Variants in MBOAT2 observed in about 807,000 individuals in gnomAD.
MBOAT2 encodes membrane-bound glycerophospholipid O-acyltransferase 2.
Under a neutral mutation model 63.4 loss-of-function variants are expected in MBOAT2, and 28 were observed. The observed-to-expected ratio is 0.44, with a 90% CI of 0.33 to 0.61. The LOEUF is 0.61. MBOAT2 is among the 20% of genes least tolerant of loss of function. MBOAT2 has a pLI of 0.03. For synonymous variants in MBOAT2, 211 were observed against 215.6 expected, an observed-to-expected ratio of 0.98 and a Z score of 0.19; for missense variants, 470 against 605.8, an observed-to-expected ratio of 0.78 and a Z score of 2.35.
intron 1 of MBOAT2, among the ~76,000 whole-genome samples, chr2:8,963,645 A>C (rs1669784617): frequency 6.6e-6 from 1 of 152,214 alleles, no homozygotes; most frequent in Non-Finnish European, 1.5e-5. Context: ...ATGTGGTGAA[A>C]ATAATTATAT....
chr2:8,868,770 G>A (rs1057125101), intron 8 of MBOAT2, among the ~76,000 whole-genome samples: 8 of 152,082 alleles, frequency 5.3e-5, no homozygotes, highest in African/African-American at 1.2e-4. Context: ...AGTTGGGGGC[G>A]GGTAGAGTTT....
At chr2:8,908,523 G>A in intron 4 of MBOAT2, 98 bp downstream of exon 4, 1 of 641,112 alleles carries the variant, frequency 1.6e-6, no homozygotes, top group Non-Finnish European at 2.7e-6. Context: ...TTTAATAATA[G>A]CTTTTCACTT....
At chr2:8,950,433 T>C (rs1345672691) in intron 2 of MBOAT2, among the ~76,000 whole-genome samples, 1 of 152,130 alleles carries the variant, frequency 6.6e-6, no homozygotes, top group Non-Finnish European at 1.5e-5. Context: ...GTTTTTTGTT[T>C]GTTTGTTTGT....
intron 2 of MBOAT2, among the ~76,000 whole-genome samples, chr2:8,949,184 T>C (rs1441689818): frequency 6.6e-6 from 1 of 152,238 alleles, no homozygotes; most frequent in Non-Finnish European, 1.5e-5. Flanking sequence ...TGGGATTATT[T>C]GCTTTTTGCC....
At chr2:8,894,669 T>C (rs1213203140) in intron 4 of MBOAT2, among the ~76,000 whole-genome samples, 2 of 152,234 alleles carry the variant, frequency 1.3e-5, no homozygotes, top group Non-Finnish European at 2.9e-5. Flanking sequence ...TGGTGGGTTC[T>C]TGGTCTCGCT....
chr2:8,910,816 G>A (rs1469554745), intron 3 of MBOAT2, among the ~76,000 whole-genome samples: 1 of 152,186 alleles, frequency 6.6e-6, no homozygotes, highest in Non-Finnish European at 1.5e-5. Context: ...AGACTGAAAA[G>A]GAGAGACAGT....
At chr2:8,884,586 CAT>C (rs1663409020) in intron 5 of MBOAT2, among the ~76,000 whole-genome samples, 1 of 151,722 alleles carries the variant, frequency 6.6e-6, no homozygotes, top group Non-Finnish European at 1.5e-5. Context: ...AGGCAAGTGA[CAT>C]GTTAATAGCC....
At chr2:8,902,224 G>A (rs964854584) in intron 4 of MBOAT2, among the ~76,000 whole-genome samples, 3 of 152,186 alleles carry the variant, frequency 2.0e-5, no homozygotes, top group African/African-American at 7.2e-5. Context: ...CTTTTAACTG[G>A]CCAACAGGTG....
chr2:8,986,820 G>A (rs908496954), intron 1 of MBOAT2, among the ~76,000 whole-genome samples: 32 of 152,078 alleles, frequency 2.1e-4, no homozygotes, highest in Non-Finnish European at 8.8e-5. Context: ...CGCCAAGAAC[G>A]CATCTAGAAA....
chr2:8,913,080 C>T lies in MBOAT2; in HGVS notation c.300-4364G>A, dbSNP rs145610747. Reference sequence around the variant, plus strand: ...TGATCTTCAACAAAGCAAACAAAAACGTAAAATGAGGAAAGGACACCCTTT... The same window carrying T: ...TGATCTTCAACAAAGCAAACAAAAATGTAAAATGAGGAAAGGACACCCTTT... On this transcript the variant is annotated intron_variant, in intron 3 of 12. Coordinates refer to ENST00000305997, the MANE Select transcript of MBOAT2 (RefSeq NM_138799.4). 2.2e-3 allele frequency among the ~76,000 whole-genome samples: 332 copies of T among 152,114 alleles called. 10 individuals carry two copies. In the East Asian group the frequency reaches 0.058, roughly 27 times the overall value.
intron 1 of MBOAT2, among the ~76,000 whole-genome samples, chr2:8,987,905 A>G (rs562574098): frequency 2.7e-4 from 41 of 152,144 alleles, no homozygotes; most frequent in Non-Finnish European, 5.4e-4. Context: ...ATACTTTTTT[A>G]TTTTATAAGT....
At chr2:8,891,061 A>G (rs974945649) in intron 4 of MBOAT2, among the ~76,000 whole-genome samples, 27 of 152,356 alleles carry the variant, frequency 1.8e-4, no homozygotes, top group African/African-American at 6.3e-4. Flanking sequence ...GGCACCTAAT[A>G]CACTATCAGT....
chr2:8,863,770 G>A (rs960320044), intron 10 of MBOAT2, among the ~76,000 whole-genome samples: 1 of 152,134 alleles, frequency 6.6e-6, no homozygotes, highest in Non-Finnish European at 1.5e-5. Context: ...AAGATTTGTT[G>A]AATTGAAATA....
At chr2:8,924,978 A>G (rs1429318729) in intron 3 of MBOAT2, among the ~76,000 whole-genome samples, 3 of 152,208 alleles carry the variant, frequency 2.0e-5, no homozygotes, top group Non-Finnish European at 2.9e-5. Flanking sequence ...CAATAAGTAC[A>G]TATAAAAAAA....
chr2:8,923,525 G>C (rs2148612781), intron 3 of MBOAT2, among the ~76,000 whole-genome samples: 1 of 152,256 alleles, frequency 6.6e-6, no homozygotes, highest in South Asian at 2.1e-4. Context: ...TTCTCAGAGA[G>C]GCAGATTTGT....
intron 2 of MBOAT2, among the ~76,000 whole-genome samples, chr2:8,944,924 G>A (rs1243897928): frequency 6.6e-6 from 1 of 152,114 alleles, no homozygotes; most frequent in Non-Finnish European, 1.5e-5. Flanking sequence ...TAAACTGCGA[G>A]GAGAACTCAA....
At chr2:8,955,217 G>A (rs1358232561) in intron 2 of MBOAT2, among the ~76,000 whole-genome samples, 1 of 152,178 alleles carries the variant, frequency 6.6e-6, no homozygotes, top group Non-Finnish European at 1.5e-5. Context: ...ATTAAAAATG[G>A]TGTCCTGTTC....
chr2:8,915,022 T>A (rs1037491811), intron 3 of MBOAT2, among the ~76,000 whole-genome samples: 1 of 125,406 alleles, frequency 8.0e-6, no homozygotes, highest in Non-Finnish European at 1.6e-5. Context: ...CACTGCAACC[T>A]CCACCTCCCA....
chr2:8,908,083 C>G (rs534855253), intron 4 of MBOAT2: 2 of 152,314 alleles, frequency 1.3e-5, no homozygotes, highest in Admixed American at 6.5e-5. Flanking sequence ...ACTTCCCCAT[C>G]TGGTACCAAA....
Sources: allele counts gnomAD v4.1 joint callset (sites outside exome capture counted in the v4.1 genomes callset), GRCh38; gene constraint gnomAD v4.1.1; transcripts MANE v1.5; gene names NCBI Gene and HGNC (gene_info 2026-07-23, HGNC 2026-07-21).